The following NBAS variants were observed in gnomAD, a reference collection of about 807,000 sequenced individuals.
NBAS encodes NAG/BC035112 fusion.
A neutral mutation model predicts 302.5 loss-of-function variants in NBAS; 219 were observed. That is an observed-to-expected ratio of 0.72 (90% CI 0.65 to 0.81). The LOEUF is 0.81. NBAS is among the 30% of genes least tolerant of loss of function. The pLI, the probability that NBAS is intolerant of heterozygous loss-of-function variation, is 0.00. For missense variants in NBAS, 2,932 were observed against 2,841.6 expected, an observed-to-expected ratio of 1.03 and a Z score of -0.72; for synonymous variants, 1,118 against 1,021.6, an observed-to-expected ratio of 1.09 and a Z score of -1.80.
At chr2:15,237,630 C>T (rs1403961032) in intron 45 of NBAS, among the ~76,000 whole-genome samples, 1 of 150,862 alleles carries the variant, frequency 6.6e-6, no homozygotes, top group Non-Finnish European at 1.5e-5. Context: ...GAGTCTCGCT[C>T]TGTCGCCCAG....
At chr2:15,271,149 G>A (rs934349277) in intron 44 of NBAS, among the ~76,000 whole-genome samples, 1 of 152,138 alleles carries the variant, frequency 6.6e-6, no homozygotes, top group Non-Finnish European at 1.5e-5. Context: ...TGAATAATAG[G>A]ATAAAGGAGG....
chr2:15,513,980 G>A (rs575882135), intron 9 of NBAS, among the ~76,000 whole-genome samples: 4 of 152,230 alleles, frequency 2.6e-5, no homozygotes, highest in African/African-American at 9.6e-5. Context: ...GAATGAGTGA[G>A]AACCTGTCTA....
At chr2:14,840,714 C>A in the NBAS span, among the ~76,000 whole-genome samples, 3 of 151,918 alleles carry the variant, frequency 2.0e-5, no homozygotes, top group Non-Finnish European at 2.9e-5. Flanking sequence ...GAGAAAAAAT[C>A]TTTTCCAGAC....
At chr2:14,887,473 G>A in the NBAS span, among the ~76,000 whole-genome samples, 1 of 151,530 alleles carries the variant, frequency 6.6e-6, no homozygotes, top group African/African-American at 2.4e-5. Context: ...AGAAGCCTAT[G>A]AGAAATACGA....
chr2:15,390,403 A>G (rs1286047526), intron 28 of NBAS, among the ~76,000 whole-genome samples: 2 of 152,266 alleles, frequency 1.3e-5, no homozygotes, highest in Non-Finnish European at 2.9e-5. Context: ...AAAATCAAGT[A>G]TAAAGAAATA....
the NBAS span, among the ~76,000 whole-genome samples, chr2:14,794,783 C>T: frequency 1.3e-5 from 2 of 152,090 alleles, no homozygotes; most frequent in African/African-American, 4.8e-5. Flanking sequence ...CATTCCCAGT[C>T]AAAAATTGAT....
At chr2:15,433,702 T>C (rs1351578628) in intron 21 of NBAS, among the ~76,000 whole-genome samples, 1 of 152,212 alleles carries the variant, frequency 6.6e-6, no homozygotes, top group Non-Finnish European at 1.5e-5. Flanking sequence ...AATTAGTTTT[T>C]ACCCATGAGC....
At chr2:14,959,727 C>A in the NBAS span, among the ~76,000 whole-genome samples, 1 of 152,252 alleles carries the variant, frequency 6.6e-6, no homozygotes, top group Admixed American at 6.5e-5. Flanking sequence ...CCTGAAGTGC[C>A]TTTTCCCATA....
intron 40 of NBAS, among the ~76,000 whole-genome samples, chr2:15,297,800 T>C (rs140091909): frequency 7.6e-4 from 115 of 152,312 alleles, no homozygotes; most frequent in Non-Finnish European, 1.4e-3. Flanking sequence ...TCATTCCGTA[T>C]TGTTCCAGGT....
chr2:14,966,763 C>T, the NBAS span, among the ~76,000 whole-genome samples: 4 of 152,076 alleles, frequency 2.6e-5, no homozygotes, highest in African/African-American at 7.2e-5. Context: ...CCACTCTCGC[C>T]GTTTCTATTC....
the NBAS span, among the ~76,000 whole-genome samples, chr2:15,082,985 TC>T: frequency 7.1e-3 from 1,086 of 152,230 alleles, 13 homozygotes; most frequent in African/African-American, 0.025. Context: ...AATGGGCAAT[TC>T]CCCCCCACCA....
At chr2:15,335,561 C>T (rs1672545400) in intron 35 of NBAS, among the ~76,000 whole-genome samples, 2 of 152,166 alleles carry the variant, frequency 1.3e-5, no homozygotes, top group South Asian at 4.1e-4. Flanking sequence ...GTGGTTTTAA[C>T]GTGCACCTCG....
intron 44 of NBAS, among the ~76,000 whole-genome samples, chr2:15,271,084 T>A (rs968302478): frequency 1.3e-5 from 2 of 152,174 alleles, no homozygotes; most frequent in Non-Finnish European, 2.9e-5. Flanking sequence ...CACTTTTTGG[T>A]CAAATTATGC....
At chr2:14,846,481 A>T in the NBAS span, among the ~76,000 whole-genome samples, 22 of 151,984 alleles carry the variant, frequency 1.4e-4, no homozygotes, top group Non-Finnish European at 2.9e-5. Flanking sequence ...TAAGAAATCA[A>T]CTGAAGGTAC....
chr2:15,212,996 G>A (rs1044826952), intron 48 of NBAS, among the ~76,000 whole-genome samples: 12 of 152,160 alleles, frequency 7.9e-5, no homozygotes, highest in African/African-American at 2.7e-4. Context: ...TTCTCCACTG[G>A]TGTAGAGGTC....
chr2:15,405,315 CAT>C (rs1676357737), intron 25 of NBAS, among the ~76,000 whole-genome samples: 1 of 152,170 alleles, frequency 6.6e-6, no homozygotes, highest in Non-Finnish European at 1.5e-5. Flanking sequence ...TGCCATTCTG[CAT>C]ATCTTTTAAA....
intron 44 of NBAS, among the ~76,000 whole-genome samples, chr2:15,251,784 T>A (rs1019160735): frequency 6.6e-6 from 1 of 152,190 alleles, no homozygotes; most frequent in East Asian, 1.9e-4. Context: ...CAAGCTGTTT[T>A]ATCAGCAAGG....
Position 15,417,713 on chromosome 2 carries a change from C to A in NBAS, c.2578-1G>T, listed in dbSNP as rs1238713514. On this transcript the variant is annotated splice_acceptor_variant, in intron 23 of 51. Coordinates refer to ENST00000281513, the MANE Select transcript of NBAS (RefSeq NM_015909.4). LOFTEE classifies it high-confidence loss of function. Reference sequence around the variant, plus strand: ...GAATAAGTGACAATGCACAGTCCACCTAAAATTGAAAAGCAACAATAAGTT... The same window carrying A: ...GAATAAGTGACAATGCACAGTCCACATAAAATTGAAAAGCAACAATAAGTT... 5.6e-6 allele frequency: 9 copies of A among 1,613,260 alleles called. No homozygotes were observed. Among genetic ancestry groups the A allele is most frequent in the African/African-American group, 1.3e-5 (1 of 74,858 alleles).
chr2:15,190,234 T>G (rs1411684282), intron 49 of NBAS, 30 bp downstream of exon 49: 8 of 1,612,908 alleles, frequency 5.0e-6, no homozygotes, highest in Non-Finnish European at 5.9e-6. Context: ...AAAAGAACTC[T>G]AATTACGCTA....
Sources: gnomAD v4.1 joint callset for allele counts (sites outside exome capture counted in the v4.1 genomes callset) on GRCh38, gnomAD v4.1.1 for gene constraint, MANE v1.5 for transcripts, NCBI Gene and HGNC (gene_info 2026-07-23, HGNC 2026-07-21) for gene names.